Variants in NAALADL2 observed in about 807,000 individuals in gnomAD.
NAALADL2 encodes inactive N-acetylated-alpha-linked acidic dipeptidase-like protein 2.
Under a neutral mutation model 87.2 loss-of-function variants are expected in NAALADL2, and 76 were observed. The observed-to-expected ratio is 0.87, with a 90% CI of 0.72 to 1.05. The LOEUF is 1.05. Among genes scored for constraint, NAALADL2 ranks in the 50% least tolerant of loss-of-function variants. The pLI is 0.00. For missense variants in NAALADL2, 1,089 were observed against 945.8 expected (o/e 1.15, Z -1.99); for synonymous variants, 354 against 331.0 (o/e 1.07, Z -0.75).
At chr3:175,313,101 G>T (rs1198169056) in intron 4 of NAALADL2, among the ~76,000 whole-genome samples, 1 of 152,010 alleles carries the variant, frequency 6.6e-6, no homozygotes, top group East Asian at 1.9e-4. Context: ...TCCTCATATG[G>T]CCTTTTTATT....
At chr3:174,658,583 C>T (rs190331944) in intron 2 of NAALADL2, among the ~76,000 whole-genome samples, 52 of 152,036 alleles carry the variant, frequency 3.4e-4, no homozygotes, top group African/African-American at 1.2e-3. Context: ...GTGGAAAATT[C>T]GAGATGTTTA....
intron 9 of NAALADL2, among the ~76,000 whole-genome samples, chr3:175,553,836 T>A (rs1714833351): frequency 6.6e-6 from 1 of 152,092 alleles, no homozygotes; most frequent in Non-Finnish European, 1.5e-5. Flanking sequence ...TTTATTAATT[T>A]GAGAAATATT....
intron 1 of NAALADL2, among the ~76,000 whole-genome samples, chr3:174,961,924 C>A (rs532670103): frequency 2.0e-5 from 3 of 152,014 alleles, no homozygotes; most frequent in Middle Eastern, 3.4e-3. Context: ...AATCCTGGGA[C>A]CTTTGTCTAC....
chr3:174,665,457 T>C (rs1355770902), intron 2 of NAALADL2, among the ~76,000 whole-genome samples: 1 of 152,172 alleles, frequency 6.6e-6, no homozygotes, highest in African/African-American at 2.4e-5. Flanking sequence ...AGTGCTGTTA[T>C]CATGTGGCAG....
chr3:175,103,375 T>C (rs1341531897), intron 2 of NAALADL2, among the ~76,000 whole-genome samples: 1 of 152,166 alleles, frequency 6.6e-6, no homozygotes, highest in Non-Finnish European at 1.5e-5. Flanking sequence ...TTTAGTTATC[T>C]TATGTGTAAT....
At chr3:175,077,633 A>C (rs1716862583) in intron 1 of NAALADL2, among the ~76,000 whole-genome samples, 1 of 152,194 alleles carries the variant, frequency 6.6e-6, no homozygotes. Context: ...AGAAGTATAA[A>C]GGCAATGCTA....
intron 3 of NAALADL2, among the ~76,000 whole-genome samples, chr3:174,741,841 C>T (rs80225371): frequency 6.6e-6 from 1 of 151,832 alleles, no homozygotes; most frequent in East Asian, 1.9e-4. Flanking sequence ...ACTATCTTTA[C>T]ACAAGCGGTT....
At chr3:174,820,289 G>A (rs1213672729) in intron 3 of NAALADL2, among the ~76,000 whole-genome samples, 2 of 152,130 alleles carry the variant, frequency 1.3e-5, no homozygotes, top group African/African-American at 4.8e-5. Context: ...AATTTATCTA[G>A]TCATTAGATT....
intron 10 of NAALADL2, among the ~76,000 whole-genome samples, chr3:175,576,559 G>GTC (rs145366850): frequency 0.015 from 2,273 of 152,240 alleles, 61 homozygotes; most frequent in African/African-American, 0.05. Flanking sequence ...GCACTTCATG[G>GTC]TCTGTATGTT....
At chr3:174,503,357 T>G (rs1361940394) in intron 1 of NAALADL2, among the ~76,000 whole-genome samples, 1 of 152,162 alleles carries the variant, frequency 6.6e-6, no homozygotes, top group Non-Finnish European at 1.5e-5. Flanking sequence ...AACTTAACCA[T>G]TTATGTTTTT....
intron 2 of NAALADL2, chr3:175,112,403 C>T (rs955905052): frequency 6.6e-6 from 1 of 151,566 alleles, no homozygotes; most frequent in Non-Finnish European, 1.5e-5. Context: ...TAAGATAATA[C>T]TTTTATATTT....
rs1582658654 is a variant in NAALADL2 at position 175,621,100 on chromosome 3, T to C, written c.1801-6191T>C. Among the ~76,000 whole-genome samples the C allele has an allele frequency of 2.0e-5, 3 of 152,196 alleles. No homozygotes were observed. In the East Asian group the frequency reaches 5.8e-4, roughly 30 times the overall value. On this transcript the variant is annotated intron_variant, in intron 10 of 13. Transcript: ENST00000454872. The stretch of plus-strand genomic sequence containing the variant: ...AGTGGGCAAACAGGAACAGAAGCTC[T>C]CACTCCGTCACGGATTCTACGTAAA...
chr3:175,079,174 T>G (rs536465492), intron 1 of NAALADL2: 1 of 152,220 alleles, frequency 6.6e-6, no homozygotes, highest in Non-Finnish European at 1.5e-5. Flanking sequence ...GTTTTCCTAA[T>G]GATTAATGCT....
chr3:175,734,082 G>C (rs1449673788), intron 11 of NAALADL2, among the ~76,000 whole-genome samples: 1 of 152,194 alleles, frequency 6.6e-6, no homozygotes, highest in Non-Finnish European at 1.5e-5. Context: ...CCATTCTGGG[G>C]TCTGAGGACG....
chr3:175,199,688 T>TTGGCGTTA (rs1739517688), intron 2 of NAALADL2, among the ~76,000 whole-genome samples: 1 of 150,642 alleles, frequency 6.6e-6, no homozygotes, highest in Admixed American at 6.7e-5. Context: ...GCCTCCCTGT[T>TTGGCGTTA]TGGCGTTAGC....
chr3:174,752,581 A>C (rs554590307), intron 3 of NAALADL2, among the ~76,000 whole-genome samples: 2 of 151,534 alleles, frequency 1.3e-5, no homozygotes, highest in Non-Finnish European at 2.9e-5. Flanking sequence ...AAAATAGGCC[A>C]GTGATTTTTT....
At chr3:175,069,301 A>C (rs1262625032) in intron 1 of NAALADL2, among the ~76,000 whole-genome samples, 2 of 150,202 alleles carry the variant, frequency 1.3e-5, no homozygotes, top group Admixed American at 1.3e-4. Context: ...CAATGAACTC[A>C]AACAAATTTA....
intron 2 of NAALADL2, among the ~76,000 whole-genome samples, chr3:174,618,823 T>G (rs1373176854): frequency 6.6e-6 from 1 of 151,934 alleles, no homozygotes; most frequent in Non-Finnish European, 1.5e-5. Flanking sequence ...TATAACTGTT[T>G]AAAGAAAAGT....
At chr3:174,651,193 C>T (rs1724322298) in intron 2 of NAALADL2, among the ~76,000 whole-genome samples, 1 of 152,104 alleles carries the variant, frequency 6.6e-6, no homozygotes, top group African/African-American at 2.4e-5. Context: ...TCATTGACCT[C>T]AAAATTTTCT....
Sources: gnomAD v4.1 joint callset for allele counts (sites outside exome capture counted in the v4.1 genomes callset) on GRCh38, gnomAD v4.1.1 for gene constraint, MANE v1.5 for transcripts, NCBI Gene and HGNC (gene_info 2026-07-23, HGNC 2026-07-21) for gene names.